Variants in ANKRD36B observed in about 807,000 individuals in gnomAD.
The protein encoded by ANKRD36B is ankyrin repeat domain 36B.
Under a neutral mutation model 135.7 loss-of-function variants are expected in ANKRD36B, and 37 were observed. The ratio of observed to expected loss-of-function variants is 0.27; its 90% CI spans 0.21 to 0.36. The LOEUF (loss-of-function observed/expected upper bound fraction) is 0.36, where lower values mean the gene tolerates loss of function less well. Ranked by LOEUF, ANKRD36B falls within the 10% of genes least tolerant of loss-of-function variation. ANKRD36B has a pLI of 1.00. For missense variants in ANKRD36B, 549 were observed against 1,037.1 expected (o/e 0.53, Z 6.46); for synonymous variants, 179 against 348.1 (o/e 0.51, Z 5.41).
At position 97,558,293 on chromosome 2, in the gene ANKRD36B, A is replaced by G. The variant is rs1218962686; in HGVS notation, c.967+506T>C. Among the ~76,000 whole-genome samples the G allele has an allele frequency of 3.3e-5, 5 of 152,076 alleles. No individual in the cohort carries two copies. In the East Asian group the frequency reaches 7.7e-4, roughly 24 times the overall value. Reference sequence around the variant, plus strand: ...GCAACTGAACTCAGGTTTCCTCAGAAGAAACCCCAAAATTACATAAATAAC... The same window carrying G: ...GCAACTGAACTCAGGTTTCCTCAGAGGAAACCCCAAAATTACATAAATAAC... On this transcript the variant is annotated intron_variant, in intron 10 of 43. Transcript: ENST00000359901.
intron 5 of ANKRD36B, among the ~76,000 whole-genome samples, chr2:97,577,688 T>A (rs1259358251): frequency 2.0e-5 from 3 of 147,176 alleles, no homozygotes; most frequent in African/African-American, 5.0e-5. Context: ...TAAATCTAAC[T>A]AACAAACTTG....
intron 34 of ANKRD36B, 83 bp from the exon 35 acceptor site, chr2:97,532,467 A>T: frequency 4.0e-6 from 2 of 499,148 alleles, no homozygotes; most frequent in South Asian, 3.1e-5. Flanking sequence ...TCACGCCTGT[A>T]ATCCCAGCAC....
At chr2:97,564,687 G>A (rs1253254711) in intron 6 of ANKRD36B, among the ~76,000 whole-genome samples, 3 of 152,046 alleles carry the variant, frequency 2.0e-5, no homozygotes, top group Non-Finnish European at 2.9e-5. Flanking sequence ...TGGTGTAGGT[G>A]TATGGCATTA....
chr2:97,572,311 T>C (rs1012602205), intron 6 of ANKRD36B, among the ~76,000 whole-genome samples: 40 of 148,708 alleles, frequency 2.7e-4, no homozygotes, highest in Admixed American at 1.4e-3. Flanking sequence ...GAAACTTATA[T>C]ATAGATGGTT....
chr2:97,589,831 C>G lies in ANKRD36B; in HGVS notation c.-146G>C. The G allele has an allele frequency of 8.7e-7, 1 of 1,149,438 alleles. No homozygotes were observed. Among genetic ancestry groups the G allele is most frequent in the Non-Finnish European group, 1.2e-6 (1 of 806,864 alleles). The allele number at this position is 1,149,438 out of a possible 1,614,324, so 71.2% of individuals were successfully genotyped here. A position where few individuals can be genotyped will look rare whatever the true frequency, so the allele number is the denominator to read the frequency against. ...AGCAGTCTGTGCACGGACCTCCGCG[C>G]AGACTCTCAGCGCCTCCCGCCTCTC... On this transcript the variant is annotated 5_prime_UTR_variant, in exon 1 of 44. Coordinates refer to ENST00000359901, the MANE Select transcript of ANKRD36B (RefSeq NM_001393939.1).
intron 22 of ANKRD36B, among the ~76,000 whole-genome samples, chr2:97,546,930 G>A (rs573680269): frequency 6.6e-6 from 1 of 151,738 alleles, no homozygotes; most frequent in South Asian, 2.1e-4. Flanking sequence ...ATTGTTTCCT[G>A]CTTCCAGTAG....
At chr2:97,551,954 C>T (rs930996085) in intron 16 of ANKRD36B, among the ~76,000 whole-genome samples, 1 of 151,982 alleles carries the variant, frequency 6.6e-6, no homozygotes, top group African/African-American at 2.4e-5. Flanking sequence ...TATGATGACA[C>T]TTCAGTTGAA....
In ANKRD36B at chr2:97,530,061, G is replaced by T. The variant is rs1356996439; in HGVS notation, c.2265+2250C>A. On this transcript the variant is annotated intron_variant, in intron 35 of 43. Coordinates refer to ENST00000359901, the MANE Select transcript of ANKRD36B (RefSeq NM_001393939.1). Reference sequence around the variant, plus strand: ...CTGAATTGGAAAAAACTACTTTAAAGTTCATATGGAACCAAAAAAGAGCCC... The same window carrying T: ...CTGAATTGGAAAAAACTACTTTAAATTTCATATGGAACCAAAAAAGAGCCC... Among the ~76,000 whole-genome samples, 2 of 95,584 alleles carry T rather than the reference G, an allele frequency of 2.1e-5. 1 individual carries two copies. Among genetic ancestry groups the T allele is most frequent in the African/African-American group, 6.3e-5 (2 of 31,686 alleles). 62.7% of individuals were successfully genotyped at this position (95,584 alleles called of 152,430 possible).
chr2:97,548,443 T>G (rs906701025), intron 20 of ANKRD36B, among the ~76,000 whole-genome samples: 1 of 151,970 alleles, frequency 6.6e-6, no homozygotes, highest in Non-Finnish European at 1.5e-5. Flanking sequence ...TTATCAATTT[T>G]GACATACCTA....
At chr2:97,551,614 T>C (rs1339534988) in intron 16 of ANKRD36B, 134 bp from the exon 17 acceptor site, 8 of 1,430,394 alleles carry the variant, frequency 5.6e-6, no homozygotes, top group Non-Finnish European at 7.7e-6. Flanking sequence ...CTACTTTGTG[T>C]CTGGGGATTA....
chr2:97,571,541 G>A (rs568998225), intron 6 of ANKRD36B, among the ~76,000 whole-genome samples: 1 of 151,986 alleles, frequency 6.6e-6, no homozygotes, highest in Non-Finnish European at 1.5e-5. Flanking sequence ...AGCTACCTGG[G>A]AGGCTGAGGC....
intron 1 of ANKRD36B, among the ~76,000 whole-genome samples, chr2:97,587,122 G>A (rs1285659275): frequency 6.6e-6 from 1 of 152,178 alleles, no homozygotes; most frequent in African/African-American, 2.4e-5. Context: ...GCAGTGAGCT[G>A]AGATCATGCC....
chr2:97,554,686 C>G (rs190984024), intron 14 of ANKRD36B, among the ~76,000 whole-genome samples: 1 of 152,008 alleles, frequency 6.6e-6, no homozygotes, highest in East Asian at 1.9e-4. Flanking sequence ...ATCAGTTTTC[C>G]GTCTGTTTTT....
chr2:97,574,080 C>T (rs953081878), intron 6 of ANKRD36B, among the ~76,000 whole-genome samples: 2 of 152,156 alleles, frequency 1.3e-5, no homozygotes, highest in Non-Finnish European at 2.9e-5. Context: ...GCAAAAGAAA[C>T]TACCATCAGA....
At chr2:97,547,369 C>T (rs1324383260) in intron 22 of ANKRD36B, 167 bp downstream of exon 22, 5 of 831,802 alleles carry the variant, frequency 6.0e-6, no homozygotes, top group Admixed American at 3.0e-5. Flanking sequence ...GATCATGTTC[C>T]AGACCAGCAG....
chr2:97,528,375 A>G (rs2078344167), intron 35 of ANKRD36B, among the ~76,000 whole-genome samples: 1 of 94,948 alleles, frequency 1.1e-5, no homozygotes, highest in South Asian at 2.4e-4. Context: ...GACACAACAT[A>G]CCAGAATCTC....
chr2:97,554,673 A>G (rs1424541210), intron 14 of ANKRD36B, among the ~76,000 whole-genome samples: 1 of 152,000 alleles, frequency 6.6e-6, no homozygotes, highest in Admixed American at 6.6e-5. Flanking sequence ...ACTGGTTATT[A>G]CGATCAGTTT....
At position 97,561,965 on chromosome 2, in the gene ANKRD36B, C is replaced by T. The variant is rs143272250; in HGVS notation, c.764-1105G>A. On this transcript the variant is annotated intron_variant, in intron 6 of 43. Transcript: ENST00000359901. The stretch of plus-strand genomic sequence containing the variant: ...CTGGAGCAGCCAAAAATCAAATCAT[C>T]CCTCATGCAAATATTCTAAATGCAT... Among the ~76,000 whole-genome samples, 1,005 of 150,146 alleles carry T rather than the reference C, an allele frequency of 6.7e-3. 51 individuals carry two copies. The East Asian group carries it at 0.11, about 16-fold the overall frequency.
intron 10 of ANKRD36B, among the ~76,000 whole-genome samples, chr2:97,558,260 T>C (rs369081744): frequency 7.2e-5 from 11 of 152,152 alleles, no homozygotes; most frequent in Admixed American, 1.3e-4. Flanking sequence ...ACAAAAATGT[T>C]CGAATATGCA....
Sources: gnomAD v4.1 joint callset for allele counts (sites outside exome capture counted in the v4.1 genomes callset) on GRCh38, gnomAD v4.1.1 for gene constraint, MANE v1.5 for transcripts, NCBI Gene and HGNC (gene_info 2026-07-23, HGNC 2026-07-21) for gene names.